Variants in EPS15L1 observed in about 807,000 individuals in gnomAD.
EPS15L1 encodes epidermal growth factor receptor pathway substrate 15 like 1.
Under a neutral mutation model 117.1 loss-of-function variants are expected in EPS15L1, and 43 were observed. That is an observed-to-expected ratio of 0.37 (90% CI 0.29 to 0.47). EPS15L1 has a LOEUF of 0.47. Ranked by LOEUF, EPS15L1 falls within the 20% of genes least tolerant of loss-of-function variation. EPS15L1 has a pLI of 0.99. For synonymous variants in EPS15L1, 459 were observed against 470.5 expected, an observed-to-expected ratio of 0.98 and a Z score of 0.32; for missense variants, 981 against 1,164.0, an observed-to-expected ratio of 0.84 and a Z score of 2.29.
intron 19 of EPS15L1, among the ~76,000 whole-genome samples, chr19:16,389,542 T>C (rs1418158636): frequency 1.3e-5 from 2 of 152,150 alleles, no homozygotes; most frequent in Non-Finnish European, 2.9e-5. Flanking sequence ...AAAATGATAA[T>C]GGAGGGAAAA....
intron 12 of EPS15L1, among the ~76,000 whole-genome samples, chr19:16,416,515 G>C (rs1242894133): frequency 1.3e-5 from 2 of 152,054 alleles, no homozygotes; most frequent in Non-Finnish European, 2.9e-5. Flanking sequence ...GCATGCACCT[G>C]TACTCTCAGC....
At chr19:16,432,589 AAT>A (rs1491164524) in intron 7 of EPS15L1, among the ~76,000 whole-genome samples, 2 of 96,358 alleles carry the variant, frequency 2.1e-5, no homozygotes, top group Non-Finnish European at 4.5e-5. Flanking sequence ...TAAATAAATA[AAT>A]ACAAATACAA....
chr19:16,458,216 G>A (rs1220373607), intron 1 of EPS15L1, among the ~76,000 whole-genome samples: 1 of 152,126 alleles, frequency 6.6e-6, no homozygotes, highest in Non-Finnish European at 1.5e-5. Context: ...CGCTGTGGGT[G>A]ACAGCGTCAG....
intron 7 of EPS15L1, among the ~76,000 whole-genome samples, chr19:16,433,346 G>A (rs776975593): frequency 1.6e-4 from 25 of 151,586 alleles, no homozygotes; most frequent in Non-Finnish European, 2.5e-4. Flanking sequence ...TGGCCAGGCT[G>A]TTCTCGAACT....
At chr19:16,448,651 C>G (rs2145115257) in intron 1 of EPS15L1, among the ~76,000 whole-genome samples, 1 of 151,924 alleles carries the variant, frequency 6.6e-6, no homozygotes, top group Non-Finnish European at 1.5e-5. Context: ...CAAGACCAGC[C>G]TGGCTAACAT....
At chr19:16,468,782 T>C (rs191993233) in intron 1 of EPS15L1, among the ~76,000 whole-genome samples, 46 of 152,276 alleles carry the variant, frequency 3.0e-4, no homozygotes, top group African/African-American at 1.0e-3. Flanking sequence ...GAGGCTGAGA[T>C]AGAAGGATTG....
At chr19:16,387,424 T>TG (rs2092431660) in intron 19 of EPS15L1, among the ~76,000 whole-genome samples, 1 of 152,136 alleles carries the variant, frequency 6.6e-6, no homozygotes, top group African/African-American at 2.4e-5. Flanking sequence ...CTGGTCAATA[T>TG]GGTAAAACCC....
In EPS15L1 at chr19:16,440,294, A is replaced by C. The variant is rs187684311; in HGVS notation, c.213+568T>G. On this transcript the variant is annotated intron_variant, in intron 4 of 23. Transcript: ENST00000455140. ...CTAAAAATACAAAAATTAGCCAGGCATGATGGTTCTCGCCTGTAATCCCAG... is the reference window on the plus strand; with the variant it reads ...CTAAAAATACAAAAATTAGCCAGGCCTGATGGTTCTCGCCTGTAATCCCAG... Among the ~76,000 whole-genome samples, 6 of 152,130 alleles carry C rather than the reference A, an allele frequency of 3.9e-5. No homozygotes were observed. The East Asian group carries it at 1.2e-3, about 29-fold the overall frequency.
intron 16 of EPS15L1, chr19:16,401,431 G>A: frequency 1.0e-6 from 1 of 985,636 alleles, no homozygotes; most frequent in Non-Finnish European, 1.2e-6. Flanking sequence ...AGAGGCCCAG[G>A]AGCAGAAGGG....
intron 16 of EPS15L1, 75 bp from the exon 17 acceptor site, chr19:16,395,542 A>C (rs969850613): frequency 7.0e-7 from 1 of 1,435,652 alleles, no homozygotes; most frequent in Non-Finnish European, 9.7e-7. Flanking sequence ...TTCCATACTT[A>C]ACTCACATTT....
chr19:16,468,927 GGA>G (rs1282110806), intron 1 of EPS15L1, among the ~76,000 whole-genome samples: 1 of 152,164 alleles, frequency 6.6e-6, no homozygotes. Flanking sequence ...GGCCAAGGTG[GGA>G]GAATTGCTTG....
intron 1 of EPS15L1, among the ~76,000 whole-genome samples, chr19:16,455,431 A>G (rs949796344): frequency 1.3e-5 from 2 of 152,204 alleles, no homozygotes; most frequent in African/African-American, 2.4e-5. Flanking sequence ...AGCATTCCAG[A>G]AACAGAACTG....
In EPS15L1 at chr19:16,355,681, G is replaced by C. The variant is rs1467585332; in HGVS notation, c.*24C>G. ...CCTCTCTGGAACCCGCCCGTGCCCT[G>C]TCCCGCCTACACACGGCCCTCGCCT... is the stretch of plus-strand genomic sequence containing the variant. On this transcript the variant is annotated 3_prime_UTR_variant, in exon 24 of 24. Transcript: ENST00000455140. 1 of 1,532,592 alleles carries C rather than the reference G, an allele frequency of 6.5e-7. No homozygotes were observed. Among genetic ancestry groups the C allele is most frequent in the Non-Finnish European group, 8.7e-7 (1 of 1,144,322 alleles). 94.9% of individuals were successfully genotyped at this position (1,532,592 alleles called of 1,614,324 possible).
At chr19:16,402,596 T>A in intron 15 of EPS15L1, 111 bp from the exon 16 acceptor site, 1 of 1,046,230 alleles carries the variant, frequency 9.6e-7, no homozygotes, top group Non-Finnish European at 1.4e-6. Context: ...GACTGGAATG[T>A]AGTGGAGTGA....
rs183960872 is a variant in EPS15L1, at chr19:16,360,338, T to C, written c.2586+1441A>G. On this transcript the variant is annotated intron_variant, in intron 23 of 23. Coordinates refer to ENST00000455140, the MANE Select transcript of EPS15L1 (RefSeq NM_001258374.3). ...AAGCAGGTTTTGTTTCTGGCTTTTA[T>C]TAACAATGTCACCATTTTGTATAGA... 9.6e-3 allele frequency among the ~76,000 whole-genome samples: 1,456 copies of C among 152,290 alleles called. 11 individuals are homozygous for C. The highest frequency in any genetic ancestry group is 0.015 in the Non-Finnish European group (1,026 of 68,016).
intron 22 of EPS15L1, among the ~76,000 whole-genome samples, chr19:16,368,148 C>T (rs955728392): frequency 7.9e-5 from 12 of 152,274 alleles, no homozygotes; most frequent in East Asian, 7.7e-4. Context: ...GGAAGCTGCC[C>T]ACCTTCGCTA....
Position 16,355,773 on chromosome 19 carries a change from G to A in EPS15L1, c.2665C>T (p.Arg889Trp), listed in dbSNP as rs764162027. The part of the protein sequence containing the change: ...KAEQERLARL[R>W]RQEQEDLELA... ...TCCAGGTCCTCCTGCTCCTGCCGCC[G>A]CAGCCGCGCCAGCCTCTCCTGTTCC... Residue 889 changes from arginine (R) to tryptophan (W), a missense_variant, in exon 24 of 24, where the codon CGG becomes TGG. By Grantham distance (101) the Arg-to-Trp change is moderately radical. Around this residue, in one of 5 missense-constraint regions of EPS15L1, gnomAD observed 819 missense variants for 949.0 expected, o/e 0.86. Coordinates refer to ENST00000455140, the MANE Select transcript of EPS15L1 (RefSeq NM_001258374.3). 11 of 1,536,046 alleles carry A rather than the reference G, an allele frequency of 7.2e-6. No homozygotes were observed. The highest frequency in any genetic ancestry group is 4.9e-5 in the East Asian group (2 of 40,916).
Position 16,408,597 on chromosome 19 carries a change from T to C in EPS15L1, c.1267-3848A>G, listed in dbSNP as rs557856445. On this transcript the variant is annotated intron_variant, in intron 13 of 23. Transcript: ENST00000455140. ...ATCACTTGAACCCAGGAGGTAGTGG[T>C]TGCAGTGAGCCGAGATTGCGCCACT... 1.0e-3 allele frequency among the ~76,000 whole-genome samples: 153 copies of C among 151,820 alleles called. 3 individuals are homozygous for C. The South Asian group carries it at 0.031, about 31-fold the overall frequency.
At chr19:16,394,184 G>T (rs2092514870) in intron 17 of EPS15L1, among the ~76,000 whole-genome samples, 183 bp from the exon 18 acceptor site, 1 of 152,150 alleles carries the variant, frequency 6.6e-6, no homozygotes, top group Non-Finnish European at 1.5e-5. Flanking sequence ...TCAAAGAGGG[G>T]GACCTGGAGG....
Sources: gnomAD v4.1 joint callset for allele counts (sites outside exome capture counted in the v4.1 genomes callset) on GRCh38, gnomAD v4.1.1 for gene constraint, gnomAD v4.1.1 regional missense constraint, MANE v1.5 for transcripts, NCBI Gene and HGNC (gene_info 2026-07-23, HGNC 2026-07-21) for gene names.